Variants in MINK1 observed in about 807,000 individuals in gnomAD.
MINK1 encodes the protein misshapen like kinase 1.
In MINK1, 46 loss-of-function variants were observed where a neutral mutation model predicts 178.4. The observed-to-expected ratio is 0.26, with a 90% CI of 0.20 to 0.33. The LOEUF (loss-of-function observed/expected upper bound fraction) is 0.33, where lower values mean the gene tolerates loss of function less well. Ranked by LOEUF, MINK1 falls within the 10% of genes least tolerant of loss-of-function variation. The pLI is 1.00. For synonymous variants in MINK1, 797 were observed against 709.7 expected, an observed-to-expected ratio of 1.12 and a Z score of -1.96; for missense variants, 1,366 against 1,814.9, an observed-to-expected ratio of 0.75 and a Z score of 4.49.
intron 12 of MINK1, among the ~76,000 whole-genome samples, chr17:4,889,273 A>C (rs1336560116): frequency 2.6e-5 from 4 of 152,148 alleles, no homozygotes; most frequent in Non-Finnish European, 4.4e-5. Flanking sequence ...AAAGGCTATC[A>C]CTACGACCCG....
At chr17:4,889,052 A>G (rs1968509825) in intron 12 of MINK1, among the ~76,000 whole-genome samples, 2 of 152,132 alleles carry the variant, frequency 1.3e-5, no homozygotes, top group South Asian at 2.1e-4. Context: ...TGGCAACTTC[A>G]TTGCAGAAGT....
At chr17:4,873,877 C>T (rs1368636417) in intron 1 of MINK1, among the ~76,000 whole-genome samples, 1 of 152,076 alleles carries the variant, frequency 6.6e-6, no homozygotes, top group Non-Finnish European at 1.5e-5. Flanking sequence ...TTCTCAGCTT[C>T]CCAAAGTGCA....
intron 1 of MINK1, among the ~76,000 whole-genome samples, chr17:4,875,781 G>C (rs1347542203): frequency 6.6e-6 from 1 of 150,656 alleles, no homozygotes; most frequent in Non-Finnish European, 1.5e-5. Context: ...CAAAAAAAAT[G>C]AATAAATTTG....
intron 13 of MINK1, 131 bp downstream of exon 13, chr17:4,889,894 TTC>T (rs952684807): frequency 4.4e-5 from 30 of 678,648 alleles, no homozygotes; most frequent in African/African-American, 7.6e-5. Context: ...GCTTCACTCT[TTC>T]TCTCTGTTTT....
At chr17:4,863,858 C>T (rs895739348) in intron 1 of MINK1, among the ~76,000 whole-genome samples, 3 of 152,016 alleles carry the variant, frequency 2.0e-5, no homozygotes, top group South Asian at 2.1e-4. Context: ...GGCGCAATCT[C>T]GGCTCACTGC....
At position 4,865,382 on chromosome 17, in the gene MINK1, C is replaced by T. The variant is rs559133984; in HGVS notation, c.58-12935C>T. Among the ~76,000 whole-genome samples the T allele has an allele frequency of 1.6e-4, 24 of 151,838 alleles. No homozygotes were observed. The South Asian group carries it at 3.5e-3, about 22-fold the overall frequency. ...CCGGGAGGTGGAGGTTGCAGTGAGC[C>T]GAGATCGCGCCATTGCACTCCAGCC... is the stretch of plus-strand genomic sequence containing the variant. On this transcript the variant is annotated intron_variant, in intron 1 of 31. Transcript: ENST00000355280.
At chr17:4,869,485 C>T (rs1224025348) in intron 1 of MINK1, among the ~76,000 whole-genome samples, 1 of 151,110 alleles carries the variant, frequency 6.6e-6, no homozygotes, top group Non-Finnish European at 1.5e-5. Context: ...CCATGTTGCT[C>T]AGGATGGTCT....
rs371578556 is a variant in MINK1, at chr17:4,884,528, C to T, written c.417+55C>T. 31 of 1,341,474 alleles carry T rather than the reference C, an allele frequency of 2.3e-5. No homozygotes were observed. In the African/African-American group the frequency reaches 2.6e-4, roughly 11 times the overall value. The allele number at this position is 1,341,474 out of a possible 1,614,324, so 83.1% of individuals were successfully genotyped here. On this transcript the variant is annotated intron_variant, in intron 5 of 31. Coordinates refer to ENST00000355280, the MANE Select transcript of MINK1 (RefSeq NM_153827.5). ...TCCTCCGCTACCCTGGCTGGAGTTT[C>T]TCCATGAGCAAAGATCCTCCCTGCG...
Position 4,833,660 on chromosome 17 carries a change from G to C in MINK1, c.57+20G>C, listed in dbSNP as rs778238760. ...CTGCGGGTGAGCGCGCCGTCCCCCA[G>C]CCTCGCCCTGGTTCCTGTCCCCGCC... On this transcript the variant is annotated intron_variant, in intron 1 of 31. Coordinates refer to ENST00000355280, the MANE Select transcript of MINK1 (RefSeq NM_153827.5). The surrounding 1 kb of genome is among the most constrained non-coding windows in gnomAD (Gnocchi z 4.8). 5.4e-6 allele frequency: 8 copies of C among 1,485,286 alleles called. No homozygotes were observed. In the South Asian group the frequency reaches 8.8e-5, roughly 16 times the overall value. 92.0% of individuals were successfully genotyped at this position (1,485,286 alleles called of 1,614,324 possible).
chr17:4,833,744 A>G lies in MINK1; in HGVS notation c.57+104A>G, dbSNP rs1908841700. 1 of 991,446 alleles carries G rather than the reference A, an allele frequency of 1.0e-6. No individual in the cohort carries two copies. Among genetic ancestry groups the G allele is most frequent in the Non-Finnish European group, 1.4e-6 (1 of 718,932 alleles). 61.4% of individuals were successfully genotyped at this position (991,446 alleles called of 1,614,324 possible). On this transcript the variant is annotated intron_variant, in intron 1 of 31. Coordinates refer to ENST00000355280, the MANE Select transcript of MINK1 (RefSeq NM_153827.5). This position sits in a 1 kb window ranked among gnomAD's most constrained non-coding sequence, Gnocchi z 4.8. ...CGTGCTCCCGGGCGCCCCCTCCACC[A>G]GCTTGGGTCCCCTTGGCGACCCGTG...
chr17:4,881,432 C>T (rs1182458906), intron 4 of MINK1, among the ~76,000 whole-genome samples, 175 bp downstream of exon 4: 1 of 152,166 alleles, frequency 6.6e-6, no homozygotes, highest in Non-Finnish European at 1.5e-5. Flanking sequence ...GATGGCCCCG[C>T]ACTCCAGCCC....
At chr17:4,881,522 G>A (rs1385514659) in intron 4 of MINK1, among the ~76,000 whole-genome samples, 2 of 152,190 alleles carry the variant, frequency 1.3e-5, no homozygotes, top group African/African-American at 2.4e-5. Flanking sequence ...CCCCTAACCA[G>A]TGTCTCACAC....
rs760827534 is a variant in MINK1, at chr17:4,897,313, A to C, written c.*26A>C. ...CGGGGCCCTGGGCTGGGGCTGTCCC[A>C]CACTGGACCCAGCTCTCCCCCTGCA... On this transcript the variant is annotated 3_prime_UTR_variant, in exon 32 of 32. Transcript: ENST00000355280. The C allele has an allele frequency of 1.9e-6, 3 of 1,605,206 alleles. No individual in the cohort carries two copies. Among genetic ancestry groups the C allele is most frequent in the Non-Finnish European group, 2.6e-6 (3 of 1,172,662 alleles).
intron 1 of MINK1, chr17:4,861,784 G>A (rs556521759): frequency 5.8e-6 from 1 of 171,624 alleles, no homozygotes; most frequent in South Asian, 8.8e-5. Flanking sequence ...TACAGGGTGA[G>A]CCACCATGCC....
chr17:4,891,200 G>GCACACACATA, intron 15 of MINK1, 76 bp downstream of exon 15: 1 of 1,003,382 alleles, frequency 1.0e-6, no homozygotes, highest in Non-Finnish European at 1.4e-6. Flanking sequence ...ACACACGCGC[G>GCACACACATA]CACACACACA....
chr17:4,878,407 G>T, intron 2 of MINK1, 25 bp downstream of exon 2: 1 of 1,529,658 alleles, frequency 6.5e-7, no homozygotes, highest in South Asian at 1.2e-5. Context: ...GTGGAAGTAT[G>T]ACCTCCACAT....
At position 4,896,661 on chromosome 17, in the gene MINK1, C is replaced by G; in HGVS notation, c.3776-13C>G. 1 of 1,603,936 alleles carries G rather than the reference C, an allele frequency of 6.2e-7. No homozygotes were observed. The highest frequency in any genetic ancestry group is 8.5e-7 in the Non-Finnish European group (1 of 1,173,934). ...GGGTGCAGCCTGCTCAGCCCCTCAC[C>G]TGTTCCCCACAGCCTACATCTGCTC... On this transcript the variant is annotated splice_polypyrimidine_tract_variant and intron_variant, in intron 30 of 31. Coordinates refer to ENST00000355280, the MANE Select transcript of MINK1 (RefSeq NM_153827.5). The surrounding 1 kb of genome is among the most constrained non-coding windows in gnomAD (Gnocchi z 4.6).
In MINK1 at chr17:4,885,647, C is replaced by T. The variant is rs1476671245; in HGVS notation, c.639+34C>T. The T allele has an allele frequency of 1.2e-6, 2 of 1,612,436 alleles. No homozygotes were observed. ...TGGAAAGTTGGGAGCATGGGGGCTG[C>T]CAAGGGCGGGAAGCAATATGGGGAC... On this transcript the variant is annotated intron_variant, in intron 7 of 31. Transcript: ENST00000355280. The surrounding 1 kb of genome is among the most constrained non-coding windows in gnomAD (Gnocchi z 5.0).
chr17:4,881,352 G>A (rs1967684776), intron 4 of MINK1, 95 bp downstream of exon 4: 3 of 1,354,050 alleles, frequency 2.2e-6, no homozygotes, highest in African/African-American at 1.4e-5. Context: ...ATCTCTCCTT[G>A]CCAGCTACCC....
Sources: gnomAD v4.1 joint callset for allele counts (sites outside exome capture counted in the v4.1 genomes callset) on GRCh38, gnomAD v4.1.1 for gene constraint, Gnocchi (gnomAD v3.1) non-coding constraint, MANE v1.5 for transcripts, NCBI Gene and HGNC (gene_info 2026-07-23, HGNC 2026-07-21) for gene names.